The following CA10 variants were observed in gnomAD, a reference collection of about 807,000 sequenced individuals.
CA10 encodes carbonic anhydrase 10 (inactive).
A neutral mutation model predicts 44.2 loss-of-function variants in CA10; 14 were observed. The ratio of observed to expected loss-of-function variants is 0.32; its 90% CI spans 0.21 to 0.50. The LOEUF (loss-of-function observed/expected upper bound fraction) is 0.50. CA10 is among the 20% of genes least tolerant of loss of function. The probability of loss-of-function intolerance (pLI) is 0.99; values close to 1 mark genes in which losing one functional copy is unlikely to be tolerated. For synonymous variants in CA10, 159 were observed against 141.6 expected (o/e 1.12, Z -0.87); for missense variants, 350 against 409.7 (o/e 0.85, Z 1.26).
At chr17:51,876,160 GTTTTTTTTTTT>G (rs3033579) in intron 3 of CA10, among the ~76,000 whole-genome samples, 1 of 59,762 alleles carries the variant, frequency 1.7e-5, no homozygotes, top group East Asian at 5.4e-4. Flanking sequence ...TTCTTCTCTC[GTTTTTTTTTTT>G]TTTTTTTTTT....
intron 3 of CA10, among the ~76,000 whole-genome samples, chr17:51,901,412 C>A (rs1981310155): frequency 6.6e-6 from 1 of 152,092 alleles, no homozygotes; most frequent in Non-Finnish European, 1.5e-5. Flanking sequence ...TATTCCCTAG[C>A]CACAATACTC....
intron 3 of CA10, among the ~76,000 whole-genome samples, chr17:51,893,594 C>T (rs1247786852): frequency 6.6e-6 from 1 of 152,166 alleles, no homozygotes; most frequent in Non-Finnish European, 1.5e-5. Flanking sequence ...TAGCCAACTA[C>T]TGAGTGAGAT....
chr17:51,837,306 G>T (rs16950626), intron 3 of CA10, among the ~76,000 whole-genome samples: 7,282 of 152,166 alleles, frequency 0.048, 248 homozygotes, highest in Admixed American at 0.11. Flanking sequence ...GCATTATCCT[G>T]GTACCTGTTA....
At chr17:52,073,850 G>T (rs535540701) in intron 1 of CA10, among the ~76,000 whole-genome samples, 26 of 152,278 alleles carry the variant, frequency 1.7e-4, no homozygotes, top group South Asian at 1.0e-3. Flanking sequence ...AGGGAGTCAG[G>T]CGGAAGATTC....
intron 2 of CA10, among the ~76,000 whole-genome samples, chr17:52,071,276 T>C (rs1428415461): frequency 6.6e-6 from 1 of 152,204 alleles, no homozygotes; most frequent in Non-Finnish European, 1.5e-5. Context: ...TGGCAGCCAG[T>C]TGGCTTTTTC....
chr17:51,652,125 CATGAGTATT>C (rs1247312689), intron 5 of CA10, among the ~76,000 whole-genome samples: 1 of 152,176 alleles, frequency 6.6e-6, no homozygotes, highest in African/African-American at 2.4e-5. Context: ...GCCATTCTTT[CATGAGTATT>C]AAAGTCAGGG....
At chr17:52,102,406 C>G (rs1268686758) in intron 1 of CA10, among the ~76,000 whole-genome samples, 1 of 152,202 alleles carries the variant, frequency 6.6e-6, no homozygotes, top group African/African-American at 2.4e-5. Flanking sequence ...ATGAAAAATT[C>G]TAGAGAAGAC....
chr17:51,638,841 G>A (rs745645114), intron 6 of CA10, among the ~76,000 whole-genome samples: 1 of 152,196 alleles, frequency 6.6e-6, no homozygotes, highest in African/African-American at 2.4e-5. Context: ...TGATCAGTTT[G>A]TAGCTGGGAA....
intron 2 of CA10, among the ~76,000 whole-genome samples, chr17:52,014,957 T>C (rs1268107433): frequency 6.6e-6 from 1 of 152,024 alleles, no homozygotes; most frequent in African/African-American, 2.4e-5. Context: ...ATATAATCCT[T>C]AAGATCAAAT....
At chr17:51,796,126 C>T (rs1906695249) in intron 3 of CA10, among the ~76,000 whole-genome samples, 1 of 152,138 alleles carries the variant, frequency 6.6e-6, no homozygotes, top group East Asian at 1.9e-4. Context: ...CCTGGTCCTT[C>T]ACCTTCTTTC....
intron 2 of CA10, among the ~76,000 whole-genome samples, chr17:52,004,243 A>G (rs1421018143): frequency 6.6e-6 from 1 of 151,996 alleles, no homozygotes; most frequent in East Asian, 1.9e-4. Flanking sequence ...TCCCTATGTT[A>G]CCCTTTAGCA....
chr17:51,843,604 G>GCTCATC (rs1978371279), intron 3 of CA10, among the ~76,000 whole-genome samples: 1 of 152,124 alleles, frequency 6.6e-6, no homozygotes, highest in Non-Finnish European at 1.5e-5. Flanking sequence ...CAGTGAAGAA[G>GCTCATC]TTCATGACTC....
intron 3 of CA10, among the ~76,000 whole-genome samples, chr17:51,923,836 C>T (rs962711986): frequency 6.6e-5 from 10 of 152,116 alleles, no homozygotes; most frequent in African/African-American, 1.4e-4. Context: ...CACCTTGGAT[C>T]GTAGCAACTT....
chr17:51,944,563 G>C (rs558040136), intron 2 of CA10, among the ~76,000 whole-genome samples: 2 of 152,252 alleles, frequency 1.3e-5, no homozygotes, highest in South Asian at 4.1e-4. Flanking sequence ...TAGGGGAACG[G>C]TTTAGTAAAT....
At chr17:51,762,512 T>C (rs1328483106) in intron 3 of CA10, 1 of 151,772 alleles carries the variant, frequency 6.6e-6, no homozygotes, top group East Asian at 1.9e-4. Flanking sequence ...ACAAAGGGAG[T>C]GGCAATTGTC....
intron 4 of CA10, among the ~76,000 whole-genome samples, chr17:51,703,969 G>T (rs897867730): frequency 6.6e-6 from 1 of 152,132 alleles, no homozygotes; most frequent in African/African-American, 2.4e-5. Context: ...GGGTCACATT[G>T]ATGCTGTGGC....
intron 3 of CA10, among the ~76,000 whole-genome samples, chr17:51,855,400 A>G (rs186188820): frequency 1.8e-3 from 276 of 152,324 alleles, no homozygotes; most frequent in Non-Finnish European, 2.2e-3. Flanking sequence ...TTGAGAATTA[A>G]ACTATCACAC....
intron 4 of CA10, among the ~76,000 whole-genome samples, chr17:51,712,302 C>G (rs1173508228): frequency 6.6e-6 from 1 of 152,158 alleles, no homozygotes; most frequent in Non-Finnish European, 1.5e-5. Flanking sequence ...GGGTTGAGCC[C>G]TTGTGTAGTT....
intron 5 of CA10, among the ~76,000 whole-genome samples, chr17:51,653,074 T>C (rs1211379941): frequency 6.6e-6 from 1 of 152,116 alleles, no homozygotes; most frequent in African/African-American, 2.4e-5. Flanking sequence ...GTTAGGGAGA[T>C]GTGGAGTTTC....
Sources: gnomAD v4.1 joint callset for allele counts (sites outside exome capture counted in the v4.1 genomes callset) on GRCh38, gnomAD v4.1.1 for gene constraint, MANE v1.5 for transcripts, NCBI Gene and HGNC (gene_info 2026-07-23, HGNC 2026-07-21) for gene names.